Variants in CADM1 observed in about 807,000 individuals in gnomAD.
CADM1 encodes TSLC-1.
A neutral mutation model predicts 53.1 loss-of-function variants in CADM1; 15 were observed. The ratio of observed to expected loss-of-function variants is 0.28; its 90% confidence interval spans 0.19 to 0.44. CADM1 has a LOEUF of 0.44. CADM1 is among the 20% of genes least tolerant of loss of function. CADM1 has a pLI of 1.00. For synonymous variants in CADM1, 281 were observed against 243.0 expected (o/e 1.16, Z -1.45); for missense variants, 434 against 611.3 (o/e 0.71, Z 3.06).
chr11:115,191,209 T>C (rs1939840165), intron 9 of CADM1, among the ~76,000 whole-genome samples: 1 of 152,226 alleles, frequency 6.6e-6, no homozygotes, highest in African/African-American at 2.4e-5. Context: ...CACTCATTCG[T>C]AACAGCATGC....
At chr11:115,183,132 A>G (rs1317295352) in intron 10 of CADM1, among the ~76,000 whole-genome samples, 2 of 152,228 alleles carry the variant, frequency 1.3e-5, no homozygotes, top group African/African-American at 2.4e-5. Context: ...TTCTAAAGGC[A>G]GTAGTTCCCC....
intron 1 of CADM1, among the ~76,000 whole-genome samples, chr11:115,402,793 T>C (rs1947196304): frequency 6.6e-6 from 1 of 152,152 alleles, no homozygotes; most frequent in South Asian, 2.1e-4. Flanking sequence ...CTTTGTATGT[T>C]ACTGGTGAGA....
At chr11:115,263,091 C>A (rs1301648377) in intron 1 of CADM1, among the ~76,000 whole-genome samples, 1 of 152,222 alleles carries the variant, frequency 6.6e-6, no homozygotes, top group Non-Finnish European at 1.5e-5. Context: ...AAGAATGCCA[C>A]GGAGGCGACG....
At chr11:115,414,198 C>T (rs1349900042) in intron 1 of CADM1, among the ~76,000 whole-genome samples, 1 of 151,970 alleles carries the variant, frequency 6.6e-6, no homozygotes, top group Non-Finnish European at 1.5e-5. Context: ...CTTTTATTTT[C>T]ATGAAAGTAG....
At chr11:115,416,402 C>T (rs1030646894) in intron 1 of CADM1, among the ~76,000 whole-genome samples, 13 of 152,030 alleles carry the variant, frequency 8.6e-5, no homozygotes, top group Non-Finnish European at 1.8e-4. Flanking sequence ...AGATTGTAAA[C>T]ATGGAATGAA....
rs866573954 is a variant in CADM1, at chr11:115,504,271, C to A, written c.124G>T (p.Gly42Cys). Residue 42 changes from glycine (G) to cysteine (C), a missense_variant and splice_region_variant, in exon 1 of 12, where the codon GGT (glycine) becomes TGT (cysteine). By Grantham distance (159) the Gly-to-Cys change is radical. Transcript: ENST00000331581. ...CCAACCGGTCGGTGCCCACACCTAC[C>A]TGTGGGGATCAGTGCCGCGGCGGAG... Reference protein sequence around the residue: ...LFSAAALIPTGDGQNLFTKDV... With the variant: ...LFSAAALIPTCDGQNLFTKDV... 6.4e-7 allele frequency: 1 copy of A among 1,572,908 alleles called. No individual in the cohort carries two copies. Among genetic ancestry groups the A allele is most frequent in the South Asian group, 1.2e-5 (1 of 85,588 alleles).
rs1939023159 is a variant in CADM1, at chr11:115,176,269, GAA to G, written c.*203_*204del. 7.4e-7 allele frequency: 1 copy of G among 1,346,938 alleles called. No homozygotes were observed. The highest frequency in any genetic ancestry group is 9.6e-7 in the Non-Finnish European group (1 of 1,042,746). The allele number at this position is 1,346,938 out of a possible 1,614,324, so 83.4% of individuals were successfully genotyped here. A position where few individuals can be genotyped will look rare whatever the true frequency, so the allele number is the denominator to read the frequency against. On this transcript the variant is annotated 3_prime_UTR_variant, in exon 12 of 12. Coordinates refer to ENST00000331581, the MANE Select transcript of CADM1 (RefSeq NM_001301043.2). ...ATAAAAATTAAACAAACAAACAAACGAAAAAAGAGGTGTCAAACAGCAGAGTG... is the reference window on the plus strand; with the variant it reads ...ATAAAAATTAAACAAACAAACAAACGAAAAGAGGTGTCAAACAGCAGAGTG...
intron 1 of CADM1, among the ~76,000 whole-genome samples, chr11:115,270,301 A>C (rs1277471913): frequency 3.3e-5 from 5 of 152,244 alleles, no homozygotes; most frequent in Non-Finnish European, 5.9e-5. Context: ...TCCCTATGAT[A>C]AAGGCAGTTC....
intron 1 of CADM1, among the ~76,000 whole-genome samples, chr11:115,459,632 T>C (rs1948752897): frequency 6.6e-6 from 1 of 152,162 alleles, no homozygotes; most frequent in South Asian, 2.1e-4. Flanking sequence ...AATGGTGGCA[T>C]GGACCAGTTG....
intron 1 of CADM1, among the ~76,000 whole-genome samples, chr11:115,452,461 T>C (rs1948595497): frequency 6.6e-6 from 1 of 152,260 alleles, no homozygotes; most frequent in Non-Finnish European, 1.5e-5. Flanking sequence ...TTAAGTGAAT[T>C]GTTGACATAG....
intron 1 of CADM1, among the ~76,000 whole-genome samples, chr11:115,432,567 G>T (rs1489623291): frequency 6.6e-6 from 1 of 152,072 alleles, no homozygotes; most frequent in African/African-American, 2.4e-5. Context: ...ATAATAAACA[G>T]AATTTTTTAA....
intron 1 of CADM1, among the ~76,000 whole-genome samples, chr11:115,476,578 C>T (rs997924025): frequency 2.0e-5 from 3 of 152,166 alleles, no homozygotes; most frequent in Admixed American, 2.0e-4. Flanking sequence ...GGTAGGAGAA[C>T]ATGATCCTAG....
chr11:115,175,841 T>C lies in CADM1; in HGVS notation c.*633A>G, dbSNP rs1235080997. On this transcript the variant is annotated 3_prime_UTR_variant, in exon 12 of 12. Transcript: ENST00000331581. The stretch of plus-strand genomic sequence containing the variant: ...TTCACTGCTCTAAGTATTTGAAACA[T>C]GGGCAGCAGCAAAGAGTTTTCATTG... 1.0e-6 allele frequency: 1 copy of C among 994,766 alleles called. No homozygotes were observed. The highest frequency in any genetic ancestry group is 1.1e-4 in the East Asian group (1 of 9,120). 61.6% of individuals were successfully genotyped at this position (994,766 alleles called of 1,614,324 possible).
At chr11:115,489,043 CAG>C (rs1269292507) in intron 1 of CADM1, among the ~76,000 whole-genome samples, 1 of 152,170 alleles carries the variant, frequency 6.6e-6, no homozygotes, top group African/African-American at 2.4e-5. Context: ...TGAAGAGGAA[CAG>C]ATGACCTCAG....
chr11:115,260,153 C>T (rs1309406907), intron 1 of CADM1, among the ~76,000 whole-genome samples: 1 of 151,996 alleles, frequency 6.6e-6, no homozygotes, highest in Non-Finnish European at 1.5e-5. Flanking sequence ...TGGTCTCAAA[C>T]TCCTGGACTC....
At chr11:115,326,488 T>C (rs1212990809) in intron 1 of CADM1, among the ~76,000 whole-genome samples, 1 of 152,186 alleles carries the variant, frequency 6.6e-6, no homozygotes, top group Non-Finnish European at 1.5e-5. Flanking sequence ...TGACCAAAAT[T>C]AAATTATACA....
chr11:115,305,377 A>C (rs539675786), intron 1 of CADM1, among the ~76,000 whole-genome samples: 1 of 152,070 alleles, frequency 6.6e-6, no homozygotes, highest in African/African-American at 2.4e-5. Context: ...CACTGGTTTT[A>C]ATATGTATCT....
At chr11:115,191,489 TA>T (rs1808875734) in intron 9 of CADM1, among the ~76,000 whole-genome samples, 1 of 152,192 alleles carries the variant, frequency 6.6e-6, no homozygotes, top group South Asian at 2.1e-4. Context: ...ATGATTTTTT[TA>T]AAAAAGAGAA....
At chr11:115,491,333 A>AG (rs1949491822) in intron 1 of CADM1, among the ~76,000 whole-genome samples, 2 of 152,176 alleles carry the variant, frequency 1.3e-5, no homozygotes, top group Admixed American at 1.3e-4. Context: ...TGAGAGGCCG[A>AG]GGTGGGCAGA....
Sources: gnomAD v4.1 joint callset for allele counts (sites outside exome capture counted in the v4.1 genomes callset) on GRCh38, gnomAD v4.1.1 for gene constraint, MANE v1.5 for transcripts, NCBI Gene and HGNC (gene_info 2026-07-23, HGNC 2026-07-21) for gene names.